Variants in PSD2 observed in about 807,000 individuals in gnomAD.
PSD2 encodes the protein pleckstrin and Sec7 domain containing 2.
PSD2 carries 38 observed loss-of-function variants against 69.8 expected under a neutral mutation model. The observed-to-expected ratio is 0.54, with a 90% CI of 0.42 to 0.71. PSD2 has a LOEUF of 0.71. Among genes scored for constraint, PSD2 ranks in the 30% least tolerant of loss-of-function variants. PSD2 has a pLI of 0.00. For synonymous variants in PSD2, 412 were observed against 423.0 expected, an observed-to-expected ratio of 0.97 and a Z score of 0.32; for missense variants, 943 against 1,014.5, an observed-to-expected ratio of 0.93 and a Z score of 0.96.
intron 7 of PSD2, among the ~76,000 whole-genome samples, chr5:139,827,121 C>T (rs919907127): frequency 6.6e-6 from 1 of 152,218 alleles, no homozygotes; most frequent in Admixed American, 6.5e-5. Flanking sequence ...GATCCAGGGC[C>T]TAGCCCTGGG....
At chr5:139,757,800 T>C in the PSD2 span, among the ~76,000 whole-genome samples, 1 of 152,256 alleles carries the variant, frequency 6.6e-6, no homozygotes, top group East Asian at 1.9e-4. Context: ...CATACCCTAG[T>C]TCTGGGGCCT....
rs566201289 is a variant in PSD2 at position 139,809,955 on chromosome 5, T to C, written c.371+144T>C. 1.1e-4 allele frequency: 102 copies of C among 919,076 alleles called. No individual in the cohort carries two copies. In the African/African-American group the frequency reaches 1.6e-3, roughly 15 times the overall value. The allele number at this position is 919,076 out of a possible 1,614,324, so 56.9% of individuals were successfully genotyped here. On this transcript the variant is annotated intron_variant, in intron 2 of 14. Transcript: ENST00000274710. ...TCATATCCCTCTTTTGCCCAGATTC[T>C]GGGTGTTTTGAAAGGACAGAGCCTT...
chr5:139,768,077 A>G, the PSD2 span, among the ~76,000 whole-genome samples: 1 of 152,374 alleles, frequency 6.6e-6, no homozygotes, highest in South Asian at 2.1e-4. Flanking sequence ...CAGGGAGGGC[A>G]AAGGGGCTGG....
intron 5 of PSD2, among the ~76,000 whole-genome samples, chr5:139,819,191 G>T (rs1305153923): frequency 6.6e-6 from 1 of 152,234 alleles, no homozygotes; most frequent in African/African-American, 2.4e-5. Flanking sequence ...GTTGTCCTTT[G>T]CTAGGCAGTT....
At chr5:139,815,778 G>A (rs1253607948) in intron 4 of PSD2, among the ~76,000 whole-genome samples, 1 of 152,158 alleles carries the variant, frequency 6.6e-6, no homozygotes, top group African/African-American at 2.4e-5. Flanking sequence ...CGGATCACCT[G>A]AGGTCAGGAG....
the PSD2 span, among the ~76,000 whole-genome samples, chr5:139,765,446 T>C: frequency 6.6e-5 from 10 of 152,182 alleles, no homozygotes; most frequent in Admixed American, 5.9e-4. Context: ...ACATCCACTG[T>C]AGTTCCCCAC....
chr5:139,782,773 A>T, the PSD2 span, among the ~76,000 whole-genome samples: 1 of 151,968 alleles, frequency 6.6e-6, no homozygotes, highest in African/African-American at 2.4e-5. Flanking sequence ...GATTACAGGC[A>T]TGAGCCACTG....
At chr5:139,779,938 CCTGGG>C in the PSD2 span, among the ~76,000 whole-genome samples, 1 of 152,150 alleles carries the variant, frequency 6.6e-6, no homozygotes, top group Non-Finnish European at 1.5e-5. Flanking sequence ...TTGACAGACA[CCTGGG>C]CTGTTTCTAG....
chr5:139,758,072 A>C, the PSD2 span, among the ~76,000 whole-genome samples: 2 of 152,166 alleles, frequency 1.3e-5, no homozygotes, highest in Non-Finnish European at 2.9e-5. Context: ...CAAAAAAACC[A>C]AATGGTTTCT....
chr5:139,749,570 C>T, the PSD2 span, among the ~76,000 whole-genome samples: 1 of 152,156 alleles, frequency 6.6e-6, no homozygotes, highest in Admixed American at 6.5e-5. Context: ...TGAGGCGTAC[C>T]AAGAGTGAAG....
the PSD2 span, among the ~76,000 whole-genome samples, chr5:139,780,835 G>A: frequency 4.6e-5 from 7 of 152,204 alleles, no homozygotes; most frequent in Admixed American, 4.6e-4. Flanking sequence ...CATGCGCCAT[G>A]TCCAGACCCT....
intron 1 of PSD2, among the ~76,000 whole-genome samples, chr5:139,804,069 G>A (rs1364370685): frequency 1.3e-5 from 2 of 152,184 alleles, no homozygotes; most frequent in Admixed American, 1.3e-4. Flanking sequence ...GCTGTTCAGG[G>A]TCTGTTTTGA....
the PSD2 span, among the ~76,000 whole-genome samples, chr5:139,746,835 C>T: frequency 1.8e-4 from 27 of 152,196 alleles, no homozygotes; most frequent in Non-Finnish European, 3.1e-4. This position sits in a 1 kb window ranked among gnomAD's most constrained non-coding sequence, Gnocchi z 4.5. Context: ...AGGGCGCACC[C>T]AGGGGCAGCG....
chr5:139,758,815 C>T, the PSD2 span, among the ~76,000 whole-genome samples: 1 of 152,036 alleles, frequency 6.6e-6, no homozygotes, highest in African/African-American at 2.4e-5. Flanking sequence ...CCATGATTAG[C>T]AGCTCCAGTT....
intron 1 of PSD2, among the ~76,000 whole-genome samples, chr5:139,798,041 G>A (rs1351862581): frequency 1.3e-5 from 2 of 152,224 alleles, no homozygotes; most frequent in African/African-American, 4.8e-5. Flanking sequence ...CACAACAGAC[G>A]ATGCTCTAGA....
upstream of PSD2, among the ~76,000 whole-genome samples, chr5:139,792,622 A>G (rs1453313109): frequency 6.6e-6 from 1 of 152,130 alleles, no homozygotes; most frequent in South Asian, 2.1e-4. Flanking sequence ...GAAGCTGCGC[A>G]TTCTTCTTTC....
In PSD2 at chr5:139,841,441, T is replaced by C. The variant is rs189327547; in HGVS notation, c.2113-830T>C. ...TCAATGAACACTTGGCTTACTTCCA[T>C]CTTTTGGCTATTATGAAAAATGCTG... is the stretch of plus-strand genomic sequence containing the variant. On this transcript the variant is annotated intron_variant, in intron 14 of 14. Coordinates refer to ENST00000274710, the MANE Select transcript of PSD2 (RefSeq NM_032289.4). Among the ~76,000 whole-genome samples, 488 of 152,358 alleles carry C rather than the reference T, an allele frequency of 3.2e-3. 1 individual carries two copies. The highest frequency in any genetic ancestry group is 0.011 in the African/African-American group (474 of 41,578).
At chr5:139,795,491 G>A (rs1759495342), upstream of PSD2, among the ~76,000 whole-genome samples, 1 of 152,154 alleles carries the variant, frequency 6.6e-6, no homozygotes, top group African/African-American at 2.4e-5. This position sits in a 1 kb window ranked among gnomAD's most constrained non-coding sequence, Gnocchi z 4.5. Context: ...GGCGGAGGTG[G>A]TTGGGTCTGC....
the PSD2 span, among the ~76,000 whole-genome samples, chr5:139,758,829 C>CTGGGCATGTGACT: frequency 6.6e-6 from 1 of 152,176 alleles, no homozygotes; most frequent in Non-Finnish European, 1.5e-5. Flanking sequence ...TCCAGTTGAC[C>CTGGGCATGTGACT]TGGGCATGTG....
Sources: allele counts gnomAD v4.1 joint callset (sites outside exome capture counted in the v4.1 genomes callset), GRCh38; gene constraint gnomAD v4.1.1; non-coding constraint Gnocchi (gnomAD v3.1); transcripts MANE v1.5; gene names NCBI Gene and HGNC (gene_info 2026-07-23, HGNC 2026-07-21).